CNTN5: variants seen among roughly 807,000 people sequenced by gnomAD.
CNTN5 encodes contactin 5, also known as contactin-5.
Under a neutral mutation model 129.1 loss-of-function variants are expected in CNTN5, and 77 were observed. That is an observed-to-expected ratio of 0.60 (90% CI 0.50 to 0.72). The LOEUF (loss-of-function observed/expected upper bound fraction) is 0.72, where lower values mean the gene tolerates loss of function less well. Among genes scored for constraint, CNTN5 ranks in the 30% least tolerant of loss-of-function variants. The probability of loss-of-function intolerance (pLI) is 0.00; values close to 1 mark genes in which losing one functional copy is unlikely to be tolerated. For missense variants in CNTN5, 1,478 were observed against 1,328.8 expected, an observed-to-expected ratio of 1.11 and a Z score of -1.75; for synonymous variants, 509 against 465.6, an observed-to-expected ratio of 1.09 and a Z score of -1.20.
At chr11:100,165,718 A>G (rs1210432303) in intron 13 of CNTN5, among the ~76,000 whole-genome samples, 4 of 151,792 alleles carry the variant, frequency 2.6e-5, no homozygotes. Context: ...ATGCAATTTT[A>G]AGATTCTACA....
At chr11:99,534,756 T>C (rs963727964) in intron 2 of CNTN5, among the ~76,000 whole-genome samples, 1 of 152,194 alleles carries the variant, frequency 6.6e-6, no homozygotes, top group African/African-American at 2.4e-5. Context: ...GGATTACCAT[T>C]CTACAGGGGA....
chr11:99,858,382 T>G (rs1948103775), intron 6 of CNTN5, among the ~76,000 whole-genome samples: 1 of 152,072 alleles, frequency 6.6e-6, no homozygotes, highest in Non-Finnish European at 1.5e-5. Flanking sequence ...TGAACAGTCA[T>G]TAAATTACCA....
At chr11:99,120,006 G>A (rs116883821) in intron 1 of CNTN5, among the ~76,000 whole-genome samples, 6,956 of 152,178 alleles carry the variant, frequency 0.046, 181 homozygotes, top group Middle Eastern at 0.065. Context: ...TAAGTTCTGT[G>A]TAGATGCTGG....
intron 13 of CNTN5, among the ~76,000 whole-genome samples, chr11:100,144,493 G>A (rs374467097): frequency 3.4e-4 from 52 of 152,168 alleles, no homozygotes; most frequent in African/African-American, 9.6e-4. Flanking sequence ...GATTAAATAA[G>A]TTTTAAAACA....
chr11:99,048,977 A>G (rs1286150333), intron 1 of CNTN5, among the ~76,000 whole-genome samples: 3 of 152,162 alleles, frequency 2.0e-5, no homozygotes, highest in African/African-American at 7.2e-5. Flanking sequence ...TAGTTAATTT[A>G]AATTTTGGTT....
chr11:99,590,095 G>C (rs956107407), intron 3 of CNTN5, among the ~76,000 whole-genome samples: 1 of 152,110 alleles, frequency 6.6e-6, no homozygotes, highest in African/African-American at 2.4e-5. Context: ...AACATCATGA[G>C]CAGAGATGAA....
At chr11:99,843,450 T>A (rs1176771869) in intron 4 of CNTN5, among the ~76,000 whole-genome samples, 8 of 151,842 alleles carry the variant, frequency 5.3e-5, no homozygotes, top group African/African-American at 1.9e-4. Flanking sequence ...TTCCCAGAAT[T>A]TTTTTTTAGC....
In CNTN5 at chr11:99,862,367, T is replaced by TTG. The variant is rs72562107; in HGVS notation, c.577+17106_577+17107insGT. On this transcript the variant is annotated intron_variant, in intron 6 of 24. Transcript: ENST00000524871. ...CCTTCATCTTCGCTTATAACAGATG[T>TTG]TTTTTTTCCCTGGATTCTGACATGG... Among the ~76,000 whole-genome samples the TTG allele has an allele frequency of 3.2e-3, 477 of 149,184 alleles. 2 individuals are homozygous for TTG. The highest frequency in any genetic ancestry group is 0.017 in the Middle Eastern group (5 of 294).
chr11:99,545,131 C>T (rs1006676839), intron 2 of CNTN5, among the ~76,000 whole-genome samples: 2 of 152,216 alleles, frequency 1.3e-5, no homozygotes, highest in East Asian at 3.9e-4. Context: ...CAGACATTTG[C>T]CTTGCCTTTA....
chr11:100,297,695 G>C lies in CNTN5; in HGVS notation c.2385G>C (p.Glu795Asp), dbSNP rs747329789. 3 of 1,594,094 alleles carry C rather than the reference G, an allele frequency of 1.9e-6. No homozygotes were observed. Among genetic ancestry groups the C allele is most frequent in the Admixed American group, 1.7e-5 (1 of 58,274 alleles). Reference sequence around the variant, plus strand: ...GGCATGAGTTAGTCATTGCCTGGGAGGTAAGAAAAACACATCCTCTCACAA... The same window carrying C: ...GGCATGAGTTAGTCATTGCCTGGGACGTAAGAAAAACACATCCTCTCACAA... ...GRRHELVIAW[E>D]PVSEEFQNGE... The change falls in exon 19 of 25, where the codon GAG becomes GAC. Residue 795 changes from glutamate (E) to aspartate (D), a missense_variant and splice_region_variant. Coordinates refer to ENST00000524871, the MANE Select transcript of CNTN5 (RefSeq NM_014361.4).
intron 2 of CNTN5, among the ~76,000 whole-genome samples, chr11:99,419,402 A>T (rs1275595146): frequency 6.6e-6 from 1 of 152,202 alleles, no homozygotes; most frequent in African/African-American, 2.4e-5. Flanking sequence ...ATTAAAAAAA[A>T]TTTGTCTTAC....
At chr11:100,205,901 G>A (rs186192555) in intron 15 of CNTN5, among the ~76,000 whole-genome samples, 41 of 152,154 alleles carry the variant, frequency 2.7e-4, no homozygotes, top group African/African-American at 9.9e-4. Flanking sequence ...CTATACATAA[G>A]TTCTTATTTT....
chr11:99,757,567 C>T (rs559043781), intron 3 of CNTN5, among the ~76,000 whole-genome samples: 1 of 152,092 alleles, frequency 6.6e-6, no homozygotes, highest in Admixed American at 6.6e-5. Flanking sequence ...TATAAGTGCC[C>T]CACCCTAAGT....
At chr11:99,610,861 AAG>A (rs1241861410) in intron 3 of CNTN5, among the ~76,000 whole-genome samples, 4 of 152,176 alleles carry the variant, frequency 2.6e-5, no homozygotes, top group Non-Finnish European at 5.9e-5. Context: ...TCAGAAGCAA[AAG>A]AGAAATATTT....
chr11:99,433,371 A>AAATGTGTG (rs1555143805), intron 2 of CNTN5, among the ~76,000 whole-genome samples: 15,417 of 140,414 alleles, frequency 0.11, 945 homozygotes, highest in Middle Eastern at 0.23. Flanking sequence ...TAAAAAAAAA[A>AAATGTGTG]TGTGTGTGTG....
intron 4 of CNTN5, among the ~76,000 whole-genome samples, chr11:99,820,552 C>T (rs1591253594): frequency 6.6e-6 from 1 of 152,296 alleles, no homozygotes; most frequent in Admixed American, 6.5e-5. Context: ...ATTTTTGGAT[C>T]CATCGACAAA....
intron 2 of CNTN5, among the ~76,000 whole-genome samples, chr11:99,337,387 A>G (rs1178865196): frequency 6.6e-6 from 1 of 152,182 alleles, no homozygotes; most frequent in East Asian, 1.9e-4. Context: ...TTACCCACGT[A>G]TTTATTAACA....
intron 1 of CNTN5, among the ~76,000 whole-genome samples, chr11:99,091,830 G>A (rs1866266374): frequency 6.6e-6 from 1 of 152,142 alleles, no homozygotes; most frequent in Non-Finnish European, 1.5e-5. Context: ...ACAAACAATG[G>A]ATACGAGGAG....
intron 2 of CNTN5, among the ~76,000 whole-genome samples, chr11:99,404,334 T>C (rs1941974454): frequency 6.6e-6 from 1 of 151,984 alleles, no homozygotes; most frequent in African/African-American, 2.4e-5. Context: ...ATTTAGTCCA[T>C]TTACATTCAA....
Sources: allele counts gnomAD v4.1 joint callset (sites outside exome capture counted in the v4.1 genomes callset), GRCh38; gene constraint gnomAD v4.1.1; transcripts MANE v1.5; gene names NCBI Gene and HGNC (gene_info 2026-07-23, HGNC 2026-07-21).